SGK1: variants seen among roughly 807,000 people sequenced by gnomAD.
The protein encoded by SGK1 is serum/glucocorticoid regulated kinase 1, also known as serine/threonine-protein kinase Sgk1.
In SGK1, 26 loss-of-function variants were observed where a neutral mutation model predicts 64.2. The ratio of observed to expected loss-of-function variants is 0.40; its 90% CI spans 0.30 to 0.56. The LOEUF (loss-of-function observed/expected upper bound fraction) is 0.56, where lower values mean the gene tolerates loss of function less well. Among genes scored for constraint, SGK1 ranks in the 20% least tolerant of loss-of-function variants. The pLI is 0.38. For missense variants in SGK1, 519 were observed against 645.6 expected (o/e 0.80, Z 2.12); for synonymous variants, 265 against 239.7 (o/e 1.11, Z -0.98).
intron 2 of SGK1, among the ~76,000 whole-genome samples, chr6:134,252,065 T>G (rs1297894038): frequency 1.3e-5 from 2 of 152,204 alleles, no homozygotes; most frequent in Non-Finnish European, 2.9e-5. Flanking sequence ...CTAAATTATG[T>G]TTCTAAATAC....
chr6:134,174,694 C>T, intron 3 of SGK1, 108 bp from the exon 4 acceptor site: 2 of 1,613,820 alleles, frequency 1.2e-6, no homozygotes, highest in South Asian at 2.2e-5. Context: ...CACTTTGCGT[C>T]TCCTGGAGCA....
intron 1 of SGK1, among the ~76,000 whole-genome samples, chr6:134,262,590 T>C (rs1206005495): frequency 2.0e-5 from 3 of 151,874 alleles, no homozygotes; most frequent in African/African-American, 7.3e-5. Flanking sequence ...TACACGCCTA[T>C]AATCTCAGCT....
intron 2 of SGK1, among the ~76,000 whole-genome samples, chr6:134,244,235 T>C (rs1417038922): frequency 6.6e-6 from 1 of 152,150 alleles, no homozygotes; most frequent in Non-Finnish European, 1.5e-5. Flanking sequence ...TGGTTTTCTG[T>C]TCCTGTGTTA....
intron 9 of SGK1, 67 bp downstream of exon 9, chr6:134,172,593 CCT>C (rs1775065136): frequency 9.7e-7 from 1 of 1,025,970 alleles, no homozygotes; most frequent in East Asian, 2.4e-5. Context: ...ATTTTAAGGC[CCT>C]ATGAAACAGC....
At chr6:134,183,496 G>A (rs1775363737) in intron 3 of SGK1, among the ~76,000 whole-genome samples, 2 of 152,190 alleles carry the variant, frequency 1.3e-5, no homozygotes, top group South Asian at 4.1e-4. Flanking sequence ...TGTCATGATG[G>A]GCAGCGTTGC....
chr6:134,206,383 A>ATATATTT (rs1562250478), intron 3 of SGK1, among the ~76,000 whole-genome samples: 18 of 16,566 alleles, frequency 1.1e-3, no homozygotes, highest in South Asian at 5.8e-3. Context: ...ATATATATAT[A>ATATATTT]TTTTTTTTTT....
chr6:134,254,128 CA>C (rs772602600), intron 2 of SGK1, among the ~76,000 whole-genome samples: 5,150 of 88,138 alleles, frequency 0.058, 155 homozygotes, highest in East Asian at 0.15. Context: ...TTTTTTTTTT[CA>C]AAAAAAAAAA....
chr6:134,293,266 CA>C (rs1381694162), intron 1 of SGK1, among the ~76,000 whole-genome samples: 1 of 152,148 alleles, frequency 6.6e-6, no homozygotes, highest in Non-Finnish European at 1.5e-5. Flanking sequence ...GATAACATTG[CA>C]AAGGAGTATT....
chr6:134,286,208 T>C (rs988624467), intron 1 of SGK1, among the ~76,000 whole-genome samples: 1 of 152,224 alleles, frequency 6.6e-6, no homozygotes, highest in African/African-American at 2.4e-5. Flanking sequence ...AGTAGAATTA[T>C]ATTAAGGTTT....
At chr6:134,278,071 T>C (rs951580544) in intron 1 of SGK1, among the ~76,000 whole-genome samples, 6 of 152,230 alleles carry the variant, frequency 3.9e-5, no homozygotes, top group East Asian at 1.9e-4. Context: ...CAAGAAGTCC[T>C]TTCCGACTGT....
chr6:134,242,676 G>T (rs887244992), intron 2 of SGK1, among the ~76,000 whole-genome samples: 3 of 151,144 alleles, frequency 2.0e-5, no homozygotes, highest in Admixed American at 2.0e-4. Context: ...TGTTGCCCAG[G>T]CTGGTCTCGA....
chr6:134,239,608 C>T (rs1743938), intron 2 of SGK1, among the ~76,000 whole-genome samples: 115,390 of 151,954 alleles, frequency 0.76, 44,335 homozygotes, highest in South Asian at 0.91. Flanking sequence ...AATACTGTAG[C>T]GCCAAAAGAA....
chr6:134,193,068 T>C (rs1313785358), intron 3 of SGK1, among the ~76,000 whole-genome samples: 2 of 152,252 alleles, frequency 1.3e-5, no homozygotes, highest in African/African-American at 4.8e-5. Context: ...TAAGGGCATA[T>C]GTTCAAAAAT....
chr6:134,172,488 C>T lies in SGK1; in HGVS notation c.948-172G>A, dbSNP rs1031147197. On this transcript the variant is annotated intron_variant, in intron 9 of 13. Transcript: ENST00000367858. ...CATCTATTCTGGATTAGGCACAATC[C>T]TACTTGGCTGGTTCCCCCTTGGCAC... is the stretch of plus-strand genomic sequence containing the variant. The T allele has an allele frequency of 1.5e-5, 12 of 804,412 alleles. 1 individual carries two copies. The South Asian group carries it at 2.1e-4, about 14-fold the overall frequency. 49.8% of individuals were successfully genotyped at this position (804,412 alleles called of 1,614,324 possible).
chr6:134,174,991 T>A, intron 3 of SGK1: 1 of 1,221,602 alleles, frequency 8.2e-7, no homozygotes, highest in Non-Finnish European at 1.1e-6. Flanking sequence ...CGCGGTTTGC[T>A]GGCGGCTACG....
At chr6:134,240,980 C>T (rs1181848908) in intron 2 of SGK1, among the ~76,000 whole-genome samples, 3 of 151,676 alleles carry the variant, frequency 2.0e-5, no homozygotes, top group Admixed American at 6.6e-5. Flanking sequence ...GAAAATGTTT[C>T]ATCTTTAGTA....
chr6:134,213,383 T>A (rs1050859730), intron 2 of SGK1, among the ~76,000 whole-genome samples: 2 of 151,886 alleles, frequency 1.3e-5, no homozygotes, highest in African/African-American at 4.8e-5. Flanking sequence ...TAGCCGGGTG[T>A]GGTGGCGCAC....
intron 2 of SGK1, among the ~76,000 whole-genome samples, chr6:134,224,695 T>C (rs546192612): frequency 9.9e-4 from 151 of 152,294 alleles, no homozygotes; most frequent in African/African-American, 3.5e-3. Context: ...GAATTTGTAT[T>C]TTATTGTTTC....
At chr6:134,239,897 G>A (rs1216549459) in intron 2 of SGK1, among the ~76,000 whole-genome samples, 1 of 152,172 alleles carries the variant, frequency 6.6e-6, no homozygotes, top group African/African-American at 2.4e-5. Context: ...GACCATGATG[G>A]TGAGGCAGTG....
Sources: allele counts gnomAD v4.1 joint callset (sites outside exome capture counted in the v4.1 genomes callset), GRCh38; gene constraint gnomAD v4.1.1; transcripts MANE v1.5; gene names NCBI Gene and HGNC (gene_info 2026-07-23, HGNC 2026-07-21).